The following SNX25 variants were observed in gnomAD, a reference collection of about 807,000 sequenced individuals.
SNX25 encodes the protein sorting nexin-25.
SNX25 carries 62 observed loss-of-function variants against 113.7 expected under a neutral mutation model. The observed-to-expected ratio is 0.55, with a 90% CI of 0.44 to 0.67. The LOEUF (loss-of-function observed/expected upper bound fraction) is 0.67. Ranked by LOEUF, SNX25 falls within the 30% of genes least tolerant of loss-of-function variation. SNX25 has a pLI of 0.00. For missense variants in SNX25, 1,014 were observed against 1,161.0 expected (o/e 0.87, Z 1.84); for synonymous variants, 421 against 436.2 (o/e 0.97, Z 0.43).
intron 12 of SNX25, 64 bp downstream of exon 12, chr4:185,342,180 C>T: frequency 1.4e-6 from 2 of 1,423,660 alleles, no homozygotes; most frequent in Non-Finnish European, 1.9e-6. Context: ...CAATTTTACA[C>T]ATAAGAAAGC....
intron 1 of SNX25, among the ~76,000 whole-genome samples, chr4:185,224,641 A>C (rs960843810): frequency 6.8e-6 from 1 of 146,948 alleles, no homozygotes; most frequent in African/African-American, 2.5e-5. Flanking sequence ...GTATATATAG[A>C]TATAAAAATA....
intron 1 of SNX25, among the ~76,000 whole-genome samples, chr4:185,226,118 T>C (rs964879622): frequency 5.3e-5 from 8 of 152,142 alleles, no homozygotes; most frequent in Admixed American, 1.3e-4. Context: ...AGACTCTCTC[T>C]CAATACAGCA....
intron 6 of SNX25, among the ~76,000 whole-genome samples, chr4:185,289,114 C>T (rs1751784928): frequency 6.6e-6 from 1 of 152,174 alleles, no homozygotes; most frequent in Admixed American, 6.5e-5. Context: ...TGAAGAGGCA[C>T]TGATTCCTCA....
rs1737460980 is a variant in SNX25 at position 185,209,865 on chromosome 4, C to G, written c.39C>G (p.Pro13=). 1.0e-6 allele frequency: 1 copy of G among 983,306 alleles called. No homozygotes were observed. The highest frequency in any genetic ancestry group is 1.2e-6 in the Non-Finnish European group (1 of 829,198). 60.9% of individuals were successfully genotyped at this position (983,306 alleles called of 1,614,324 possible). A position where few individuals can be genotyped will look rare whatever the true frequency, so the allele number is the denominator to read the frequency against. The change falls in exon 1 of 19, where the codon CCC becomes CCG. Residue 13 remains proline, a synonymous_variant. Transcript: ENST00000652585. This position sits in a 1 kb window ranked among gnomAD's most constrained non-coding sequence, Gnocchi z 5.2. ...PDATDSGGAG[P]SPARAAGAGG... Reference sequence around the variant, plus strand: ...CGACCGACAGTGGCGGCGCCGGCCCCAGCCCCGCGCGGGCCGCAGGCGCCG... The same window carrying G: ...CGACCGACAGTGGCGGCGCCGGCCCGAGCCCCGCGCGGGCCGCAGGCGCCG...
chr4:185,358,347 C>T (rs1203353357), intron 16 of SNX25, among the ~76,000 whole-genome samples: 1 of 152,140 alleles, frequency 6.6e-6, no homozygotes, highest in Non-Finnish European at 1.5e-5. Context: ...CAGTCTTTCA[C>T]TGAGTGTTCT....
intron 1 of SNX25, among the ~76,000 whole-genome samples, chr4:185,213,938 CTT>C (rs77831124): frequency 1.8e-4 from 25 of 140,098 alleles, no homozygotes; most frequent in Non-Finnish European, 1.7e-4. Context: ...TTACTAGATC[CTT>C]TTTTTTTTTT....
intron 6 of SNX25, among the ~76,000 whole-genome samples, chr4:185,308,519 T>G (rs1180518621): frequency 6.6e-6 from 1 of 152,164 alleles, no homozygotes; most frequent in Admixed American, 6.5e-5. Flanking sequence ...ATGCTCACCC[T>G]CTTTCTTTCT....
intron 7 of SNX25, among the ~76,000 whole-genome samples, chr4:185,313,196 A>G (rs1355707503): frequency 6.6e-6 from 1 of 152,230 alleles, no homozygotes; most frequent in African/African-American, 2.4e-5. Context: ...ACTAAACATA[A>G]AGGCACAGAT....
At chr4:185,356,825 T>A (rs554620952) in intron 15 of SNX25, among the ~76,000 whole-genome samples, 1 of 152,198 alleles carries the variant, frequency 6.6e-6, no homozygotes, top group Non-Finnish European at 1.5e-5. Context: ...TGGAGGTGAA[T>A]ATATAAATGA....
At chr4:185,286,533 G>A (rs922058897) in intron 5 of SNX25, among the ~76,000 whole-genome samples, 1 of 152,282 alleles carries the variant, frequency 6.6e-6, no homozygotes, top group South Asian at 2.1e-4. Context: ...GCTTTTCTGC[G>A]GAGGCTGCTT....
In SNX25 at chr4:185,362,117, G is replaced by C; in HGVS notation, c.2833+12G>C. 6.2e-7 allele frequency: 1 copy of C among 1,600,084 alleles called. No homozygotes were observed. The highest frequency in any genetic ancestry group is 1.1e-5 in the South Asian group (1 of 89,546). On this transcript the variant is annotated intron_variant, in intron 17 of 18. Coordinates refer to ENST00000652585, the MANE Select transcript of SNX25 (RefSeq NM_001378034.2). ...TGAAAACATTCCAGGTGAGGCCTGG[G>C]CTATTAGCCTGAAAAGCATAGAGAT...
intron 1 of SNX25, among the ~76,000 whole-genome samples, chr4:185,235,073 T>C (rs938956760): frequency 1.3e-5 from 2 of 152,248 alleles, no homozygotes; most frequent in Non-Finnish European, 2.9e-5. Flanking sequence ...TGGTTTCATA[T>C]CCCTTCATAG....
intron 6 of SNX25, among the ~76,000 whole-genome samples, chr4:185,307,973 G>T (rs1430779342): frequency 2.0e-5 from 3 of 152,114 alleles, no homozygotes; most frequent in Non-Finnish European, 2.9e-5. Context: ...TGCCCAGGCT[G>T]GTCTCAAGCA....
At chr4:185,343,981 G>A (rs1265452665) in intron 12 of SNX25, among the ~76,000 whole-genome samples, 1 of 152,190 alleles carries the variant, frequency 6.6e-6, no homozygotes, top group African/African-American at 2.4e-5. Context: ...CACTTTGGAA[G>A]GCCGAAGTGG....
intron 10 of SNX25, among the ~76,000 whole-genome samples, chr4:185,333,075 A>G (rs2095206701): frequency 6.6e-6 from 1 of 152,266 alleles, no homozygotes. Flanking sequence ...ATACTCAAGG[A>G]CAATCTTTTG....
chr4:185,371,410 C>T (rs188875916), downstream of SNX25, among the ~76,000 whole-genome samples: 1,200 of 151,948 alleles, frequency 7.9e-3, 15 homozygotes, highest in African/African-American at 0.028. Context: ...GGCATGGTAG[C>T]GGGTGCCTGT....
At chr4:185,281,984 C>T (rs563653813) in intron 5 of SNX25, among the ~76,000 whole-genome samples, 16 of 152,050 alleles carry the variant, frequency 1.1e-4, no homozygotes, top group African/African-American at 2.9e-4. Context: ...CCATTGCACT[C>T]CAGTCTGGGC....
At chr4:185,242,312 T>C (rs1744180938) in intron 1 of SNX25, among the ~76,000 whole-genome samples, 1 of 152,134 alleles carries the variant, frequency 6.6e-6, no homozygotes, top group Non-Finnish European at 1.5e-5. Context: ...CAGCATCGTC[T>C]ACCTGGAGAC....
In SNX25 at chr4:185,224,434, TATAGATATATAA is replaced by T. The variant is rs1380987755; in HGVS notation, c.429+14183_429+14194del. Among the ~76,000 whole-genome samples, 3 of 68,534 alleles carry T rather than the reference TATAGATATATAA, an allele frequency of 4.4e-5. No individual in the cohort carries two copies. The Admixed American group carries it at 5.2e-4, about 12-fold the overall frequency. 45.0% of individuals were successfully genotyped at this position (68,534 alleles called of 152,430 possible). A position where few individuals can be genotyped will look rare whatever the true frequency, so the allele number is the denominator to read the frequency against. ...AGATATATAAAAATATATAAAAATATATAGATATATAAATATATATATAGATATATAAATATA... is the reference window on the plus strand; with the variant it reads ...AGATATATAAAAATATATAAAAATATATATATATATAGATATATAAATATA... On this transcript the variant is annotated intron_variant, in intron 1 of 18. Coordinates refer to ENST00000652585, the MANE Select transcript of SNX25 (RefSeq NM_001378034.2).
Sources: gnomAD v4.1 joint callset for allele counts (sites outside exome capture counted in the v4.1 genomes callset) on GRCh38, gnomAD v4.1.1 for gene constraint, Gnocchi (gnomAD v3.1) non-coding constraint, MANE v1.5 for transcripts, NCBI Gene and HGNC (gene_info 2026-07-23, HGNC 2026-07-21) for gene names.